Variants in B3GALT1 observed in about 807,000 individuals in gnomAD.
B3GALT1 encodes the protein UDP-Gal:betaGlcNAc beta 1,3-galactosyltransferase, polypeptide 1.
In B3GALT1, 10 loss-of-function variants were observed where a neutral mutation model predicts 23.2. The ratio of observed to expected loss-of-function variants is 0.43; its 90% confidence interval spans 0.27 to 0.73. The LOEUF is 0.73. Among genes scored for constraint, B3GALT1 ranks in the 30% least tolerant of loss-of-function variants. The pLI, the probability that B3GALT1 is intolerant of heterozygous loss-of-function variation, is 0.21. For synonymous variants in B3GALT1, 156 were observed against 141.5 expected (o/e 1.10, Z -0.73); for missense variants, 299 against 405.4 (o/e 0.74, Z 2.25).
intron 3 of B3GALT1, among the ~76,000 whole-genome samples, chr2:167,668,028 T>G (rs899473237): frequency 2.0e-5 from 3 of 152,188 alleles, no homozygotes; most frequent in Non-Finnish European, 4.4e-5. Flanking sequence ...GGCGCTCTGC[T>G]TTTTAGAGTT....
chr2:167,464,736 A>G (rs1310410978), intron 1 of B3GALT1, among the ~76,000 whole-genome samples: 1 of 152,204 alleles, frequency 6.6e-6, no homozygotes, highest in Non-Finnish European at 1.5e-5. Flanking sequence ...TTGACTCAAA[A>G]TATCAATGTA....
chr2:167,752,593 C>G (rs1280858668), intron 3 of B3GALT1, among the ~76,000 whole-genome samples: 6 of 147,936 alleles, frequency 4.1e-5, no homozygotes, highest in Middle Eastern at 3.5e-3. Flanking sequence ...CCTCTCCCCC[C>G]ACACCCCCCT....
chr2:167,407,856 A>G (rs936826906), intron 1 of B3GALT1, among the ~76,000 whole-genome samples: 1 of 152,208 alleles, frequency 6.6e-6, no homozygotes, highest in Non-Finnish European at 1.5e-5. Context: ...ATTAAAGAAA[A>G]GCCCAGGACC....
At chr2:167,460,270 C>A (rs1699238960) in intron 1 of B3GALT1, among the ~76,000 whole-genome samples, 1 of 152,150 alleles carries the variant, frequency 6.6e-6, no homozygotes, top group Admixed American at 6.5e-5. Context: ...TCCCACAGGT[C>A]TCTTACGGTC....
chr2:167,453,337 C>G (rs746308265), intron 1 of B3GALT1, among the ~76,000 whole-genome samples: 9 of 152,164 alleles, frequency 5.9e-5, no homozygotes, highest in Non-Finnish European at 1.0e-4. Context: ...TGTTCTTTTC[C>G]TTAGTTATTT....
In B3GALT1 at chr2:167,331,689, A is replaced by G. The variant is rs78341348; in HGVS notation, c.-511+38355A>G. Among the ~76,000 whole-genome samples the G allele has an allele frequency of 1.5e-3, 227 of 152,268 alleles. 2 individuals carry two copies. The East Asian group carries it at 0.018, about 12-fold the overall frequency. ...GTATTGGATTGGGGAGGAGGGCCAG[A>G]AACAGAGCCAGGCTGGGGCCCCCTG... is the stretch of plus-strand genomic sequence containing the variant. On this transcript the variant is annotated intron_variant, in intron 1 of 4. Coordinates refer to ENST00000392690, the MANE Select transcript of B3GALT1 (RefSeq NM_020981.4).
intron 1 of B3GALT1, among the ~76,000 whole-genome samples, chr2:167,387,617 C>T (rs551751484): frequency 3.9e-4 from 60 of 152,306 alleles, no homozygotes; most frequent in African/African-American, 1.3e-3. Flanking sequence ...GGGTCTGAAT[C>T]AATTCGTTAC....
intron 1 of B3GALT1, among the ~76,000 whole-genome samples, chr2:167,293,771 G>T (rs1384895918): frequency 6.6e-6 from 1 of 152,098 alleles, no homozygotes; most frequent in African/African-American, 2.4e-5. Flanking sequence ...GAACTTTATT[G>T]CGGTGATTAA....
intron 3 of B3GALT1, among the ~76,000 whole-genome samples, chr2:167,652,275 G>T (rs1347320911): frequency 6.6e-6 from 1 of 152,108 alleles, no homozygotes; most frequent in Non-Finnish European, 1.5e-5. Flanking sequence ...AAGATGACCA[G>T]CAGAGCCAAA....
intron 3 of B3GALT1, among the ~76,000 whole-genome samples, chr2:167,806,305 T>C (rs560143350): frequency 3.3e-5 from 5 of 152,318 alleles, no homozygotes; most frequent in African/African-American, 7.2e-5. Flanking sequence ...CTTTTCCTAA[T>C]TGAATACCCT....
At chr2:167,852,349 C>T (rs1427101876) in intron 4 of B3GALT1, among the ~76,000 whole-genome samples, 2 of 152,074 alleles carry the variant, frequency 1.3e-5, no homozygotes, top group Admixed American at 1.3e-4. Flanking sequence ...TATTAAAAAT[C>T]AGCTCAGAAA....
At chr2:167,358,247 A>T (rs2689827) in intron 1 of B3GALT1, among the ~76,000 whole-genome samples, 122,898 of 152,070 alleles carry the variant, frequency 0.81, 51,475 homozygotes, top group East Asian at 0.92. Flanking sequence ...AAAGTCCTAG[A>T]GGTAGAAGCA....
chr2:167,573,018 C>T (rs1372850049), intron 2 of B3GALT1, among the ~76,000 whole-genome samples: 1 of 151,692 alleles, frequency 6.6e-6, no homozygotes, highest in Non-Finnish European at 1.5e-5. Context: ...TATCCCAAGT[C>T]CTTAATGATG....
chr2:167,790,762 C>T (rs559235255), intron 3 of B3GALT1, among the ~76,000 whole-genome samples: 2 of 152,160 alleles, frequency 1.3e-5, no homozygotes, highest in Non-Finnish European at 2.9e-5. Context: ...ATCAAAACCT[C>T]TTCCTCCTTT....
chr2:167,685,444 C>CA (rs1686603192), intron 3 of B3GALT1, among the ~76,000 whole-genome samples: 1 of 152,064 alleles, frequency 6.6e-6, no homozygotes, highest in Non-Finnish European at 1.5e-5. Context: ...GGAAAACAAA[C>CA]AAAGTATTAA....
intron 2 of B3GALT1, among the ~76,000 whole-genome samples, chr2:167,536,915 C>CT (rs1683439106): frequency 6.6e-6 from 1 of 152,066 alleles, no homozygotes; most frequent in East Asian, 1.9e-4. Context: ...CTCTGAAACT[C>CT]TATTTCGGAA....
chr2:167,537,117 G>A (rs1683442429), intron 2 of B3GALT1, among the ~76,000 whole-genome samples: 2 of 152,110 alleles, frequency 1.3e-5, no homozygotes, highest in Admixed American at 6.6e-5. Flanking sequence ...CCACATGGCT[G>A]GGGAGGCCTC....
intron 2 of B3GALT1, chr2:167,631,633 T>A (rs188390215): frequency 6.6e-6 from 1 of 151,638 alleles, no homozygotes; most frequent in Non-Finnish European, 1.5e-5. Flanking sequence ...ACCCTCATAA[T>A]GTAATTTTAA....
intron 2 of B3GALT1, among the ~76,000 whole-genome samples, chr2:167,493,618 G>T (rs1451358060): frequency 6.6e-6 from 1 of 152,120 alleles, no homozygotes; most frequent in African/African-American, 2.4e-5. Flanking sequence ...GAAATGCAAA[G>T]ATAAAATAGA....
Sources: gnomAD v4.1 joint callset for allele counts (sites outside exome capture counted in the v4.1 genomes callset) on GRCh38, gnomAD v4.1.1 for gene constraint, MANE v1.5 for transcripts, NCBI Gene and HGNC (gene_info 2026-07-23, HGNC 2026-07-21) for gene names.